Variants in STIM1 observed in about 807,000 individuals in gnomAD.
STIM1 encodes stromal interaction molecule 1.
In STIM1, 25 loss-of-function variants were observed where a neutral mutation model predicts 74.7. The observed-to-expected ratio is 0.33, with a 90% CI of 0.24 to 0.47. The LOEUF is 0.47. STIM1 is among the 20% of genes least tolerant of loss of function. The pLI, the probability that STIM1 is intolerant of heterozygous loss-of-function variation, is 1.00. For synonymous variants in STIM1, 328 were observed against 348.8 expected (o/e 0.94, Z 0.66); for missense variants, 728 against 920.8 (o/e 0.79, Z 2.71).
chr11:4,012,005 G>A (rs1033957141), intron 2 of STIM1, among the ~76,000 whole-genome samples: 14 of 152,232 alleles, frequency 9.2e-5, no homozygotes, highest in African/African-American at 3.4e-4. Flanking sequence ...GCTTGTTTTT[G>A]ACAGGTTTGT....
At chr11:4,031,752 TTATA>T (rs774547377) in intron 3 of STIM1, among the ~76,000 whole-genome samples, 91 of 152,356 alleles carry the variant, frequency 6.0e-4, no homozygotes, top group Non-Finnish European at 1.1e-3. Context: ...TGAGAATTCT[TTATA>T]TATTCTCCAT....
intron 1 of STIM1, among the ~76,000 whole-genome samples, chr11:3,920,940 C>T (rs1430482932): frequency 2.6e-5 from 4 of 151,580 alleles, no homozygotes; most frequent in Non-Finnish European, 5.9e-5. Context: ...GCATTATAGG[C>T]ACCCGCCACT....
intron 2 of STIM1, among the ~76,000 whole-genome samples, chr11:4,013,703 T>A (rs2093865009): frequency 8.3e-6 from 1 of 120,112 alleles, no homozygotes; most frequent in Non-Finnish European, 1.7e-5. Context: ...TTTTTTTTTT[T>A]TTTTTTTTTT....
intron 1 of STIM1, among the ~76,000 whole-genome samples, chr11:3,884,990 G>T (rs1213385384): frequency 1.3e-5 from 2 of 152,110 alleles, no homozygotes; most frequent in African/African-American, 2.4e-5. Flanking sequence ...GCCAGGGTGT[G>T]GGGGGAGAGG....
chr11:4,066,983 G>A (rs997501345), intron 5 of STIM1, among the ~76,000 whole-genome samples: 7 of 152,140 alleles, frequency 4.6e-5, no homozygotes, highest in South Asian at 2.1e-4. Context: ...AGGGCTCTGC[G>A]GGAGGGACCC....
intron 1 of STIM1, among the ~76,000 whole-genome samples, chr11:3,859,202 A>G (rs2090504522): frequency 6.6e-6 from 1 of 152,216 alleles, no homozygotes; most frequent in African/African-American, 2.4e-5. Flanking sequence ...TAAAATGCTT[A>G]TGGCTTTAGC....
chr11:4,069,612 A>T (rs1160322941), intron 5 of STIM1, among the ~76,000 whole-genome samples: 3 of 152,246 alleles, frequency 2.0e-5, no homozygotes, highest in Non-Finnish European at 2.9e-5. Flanking sequence ...TATATCCTTT[A>T]TACCAGTCAT....
intron 1 of STIM1, among the ~76,000 whole-genome samples, chr11:3,934,755 C>T (rs1345005494): frequency 6.6e-6 from 1 of 152,164 alleles, no homozygotes; most frequent in Non-Finnish European, 1.5e-5. Flanking sequence ...GTGTATCTCC[C>T]AGGCCCATAG....
At chr11:3,863,711 T>C (rs2090732942) in intron 1 of STIM1, among the ~76,000 whole-genome samples, 2 of 152,184 alleles carry the variant, frequency 1.3e-5, no homozygotes, top group African/African-American at 4.8e-5. Context: ...TCGTGTACCA[T>C]AGGCTACCTG....
At chr11:3,964,582 C>T (rs2093321833) in intron 1 of STIM1, among the ~76,000 whole-genome samples, 1 of 152,138 alleles carries the variant, frequency 6.6e-6, no homozygotes, top group African/African-American at 2.4e-5. Context: ...GACCTCAGGC[C>T]AGTGGTGCAG....
At chr11:4,082,560 C>T (rs1364453965) in intron 8 of STIM1, among the ~76,000 whole-genome samples, 1 of 152,150 alleles carries the variant, frequency 6.6e-6, no homozygotes, top group African/African-American at 2.4e-5. Context: ...GCATTCCTGC[C>T]TGTCTTCTGG....
intron 1 of STIM1, among the ~76,000 whole-genome samples, chr11:3,889,695 C>T (rs61899401): frequency 0.014 from 2,201 of 152,092 alleles, 26 homozygotes; most frequent in Non-Finnish European, 0.025. Flanking sequence ...CGTATCTAGG[C>T]GCTTTTTTGA....
intron 11 of STIM1, 90 bp from the exon 12 acceptor site, chr11:4,086,387 C>A (rs2094493099): frequency 2.0e-6 from 3 of 1,493,170 alleles, no homozygotes; most frequent in Admixed American, 3.7e-5. Flanking sequence ...CCAGGGTGGT[C>A]TCCAGCAAGC....
chr11:3,869,045 T>TGCAA (rs1419122421), intron 1 of STIM1, among the ~76,000 whole-genome samples: 1 of 152,156 alleles, frequency 6.6e-6, no homozygotes, highest in African/African-American at 2.4e-5. Flanking sequence ...CTTGGCTCAT[T>TGCAA]GCAAGCCCTG....
intron 1 of STIM1, among the ~76,000 whole-genome samples, chr11:3,917,105 C>T (rs923622543): frequency 2.0e-5 from 3 of 152,146 alleles, no homozygotes; most frequent in African/African-American, 7.2e-5. Flanking sequence ...GAGTGACACA[C>T]CCTTATGTAC....
At chr11:3,958,795 C>A (rs959156240) in intron 1 of STIM1, among the ~76,000 whole-genome samples, 1 of 151,956 alleles carries the variant, frequency 6.6e-6, no homozygotes, top group African/African-American at 2.4e-5. Flanking sequence ...CATGGTGAAA[C>A]CCCGTCTGTA....
At chr11:3,860,637 G>T (rs2090559122) in intron 1 of STIM1, among the ~76,000 whole-genome samples, 1 of 152,114 alleles carries the variant, frequency 6.6e-6, no homozygotes, top group Non-Finnish European at 1.5e-5. Context: ...TAATTCAAAG[G>T]TTACGAGATA....
intron 12 of STIM1, chr11:4,088,533 C>T: frequency 1.6e-6 from 1 of 616,354 alleles, no homozygotes; most frequent in Non-Finnish European, 2.9e-6. Flanking sequence ...AGGGAGACTG[C>T]TCCTTCCAGT....
chr11:4,072,341 T>C (rs559399207), intron 6 of STIM1, among the ~76,000 whole-genome samples: 16 of 152,360 alleles, frequency 1.1e-4, no homozygotes, highest in African/African-American at 3.8e-4. Context: ...CAGAGCTTTA[T>C]TACAGAGTTC....
Sources: gnomAD v4.1 joint callset for allele counts (sites outside exome capture counted in the v4.1 genomes callset) on GRCh38, gnomAD v4.1.1 for gene constraint, MANE v1.5 for transcripts, NCBI Gene and HGNC (gene_info 2026-07-23, HGNC 2026-07-21) for gene names.